CACNA1A: variants seen among roughly 807,000 people sequenced by gnomAD.
The protein encoded by CACNA1A is voltage-dependent P/Q-type calcium channel subunit alpha-1A.
CACNA1A carries 57 observed loss-of-function variants against 262.4 expected under a neutral mutation model. That is an observed-to-expected ratio of 0.22 (90% CI 0.18 to 0.27). The LOEUF is 0.27. CACNA1A is among the 10% of genes least tolerant of loss of function. The pLI, the probability that CACNA1A is intolerant of heterozygous loss-of-function variation, is 1.00. For missense variants in CACNA1A, 2,526 were observed against 3,562.8 expected, an observed-to-expected ratio of 0.71 and a Z score of 7.41; for synonymous variants, 1,431 against 1,419.3, an observed-to-expected ratio of 1.01 and a Z score of -0.18.
Position 13,298,768 on chromosome 19 carries a change from A to T in CACNA1A, c.2865T>A (p.His955Gln). The change falls in exon 19 of 47, where the codon CAT becomes CAA. Residue 955 changes from histidine to glutamine, a missense_variant. His to Gln is a conservative substitution (Grantham distance 24). Coordinates refer to ENST00000360228, the MANE Select transcript of CACNA1A (RefSeq NM_001127222.2). The stretch of plus-strand genomic sequence containing the variant: ...GCCTGCGGTGCGCGCGATGACGTCG[A>T]TGCTCCCCGTCCGCGCCCGTGCGCG... Reference protein sequence around the residue: ...GSPRTGADGEHRRHRAHRRPG... With the variant: ...GSPRTGADGEQRRHRAHRRPG... 1 of 1,521,842 alleles carries T rather than the reference A, an allele frequency of 6.6e-7. No individual in the cohort carries two copies. Among genetic ancestry groups the T allele is most frequent in the Non-Finnish European group, 8.7e-7 (1 of 1,143,568 alleles). The allele number at this position is 1,521,842 out of a possible 1,614,324, so 94.3% of individuals were successfully genotyped here. A position where few individuals can be genotyped will look rare whatever the true frequency, so the allele number is the denominator to read the frequency against.
At position 13,207,724 on chromosome 19, in the gene CACNA1A, C is replaced by G; in HGVS notation, c.7110G>C (p.Arg2370=). 7.3e-7 allele frequency: 1 copy of G among 1,370,322 alleles called. No individual in the cohort carries two copies. The highest frequency in any genetic ancestry group is 9.4e-7 in the Non-Finnish European group (1 of 1,067,798). 84.9% of individuals were successfully genotyped at this position (1,370,322 alleles called of 1,614,324 possible). The change falls in exon 47 of 47, where the codon CGG becomes CGC. Residue 2370 remains arginine (R), a synonymous_variant. Coordinates refer to ENST00000360228, the MANE Select transcript of CACNA1A (RefSeq NM_001127222.2). This position sits in a 1 kb window ranked among gnomAD's most constrained non-coding sequence, Gnocchi z 5.7. ...SSGRSPRMER[R]VPGPARSESP... The stretch of plus-strand genomic sequence containing the variant: ...ACTCGCTCCGGGCCGGGCCTGGGAC[C>G]CGCCTCTCCATCCTGGGCGAGCGGC...
intron 1 of CACNA1A, among the ~76,000 whole-genome samples, chr19:13,475,792 G>A (rs1471243757): frequency 1.5e-4 from 23 of 152,034 alleles, no homozygotes; most frequent in Admixed American, 1.5e-3. Flanking sequence ...AAGGAACAAG[G>A]GAAAATAATA....
At chr19:13,275,985 AC>A in intron 23 of CACNA1A, 29 bp from the exon 24 acceptor site, 1 of 1,475,012 alleles carries the variant, frequency 6.8e-7, no homozygotes, top group East Asian at 2.3e-5. Context: ...GGTGCTCAGA[AC>A]CCCCACCTGA....
chr19:13,318,846 A>T (rs1398093373), intron 10 of CACNA1A, among the ~76,000 whole-genome samples: 1 of 150,274 alleles, frequency 6.7e-6, no homozygotes, highest in Non-Finnish European at 1.5e-5. Flanking sequence ...GGGGAAGGTC[A>T]GAGCTCAGTT....
rs951529824 is a variant in CACNA1A, at chr19:13,241,390, G to A, written c.4950+3792C>T. Reference sequence around the variant, plus strand: ...GGCGGGAGGACAGACAGACAGAGGAGAGCGGAGGGTTGAGGAGAGCGTCAG... The same window carrying A: ...GGCGGGAGGACAGACAGACAGAGGAAAGCGGAGGGTTGAGGAGAGCGTCAG... On this transcript the variant is annotated intron_variant, in intron 31 of 46. Transcript: ENST00000360228. This position sits in a 1 kb window ranked among gnomAD's most constrained non-coding sequence, Gnocchi z 4.0. 4 of 706,960 alleles carry A rather than the reference G, an allele frequency of 5.7e-6. No individual in the cohort carries two copies. The African/African-American group carries it at 7.0e-5, about 12-fold the overall frequency. The allele number at this position is 706,960 out of a possible 1,614,324, so 43.8% of individuals were successfully genotyped here.
chr19:13,428,364 A>C (rs1448439444), intron 3 of CACNA1A, among the ~76,000 whole-genome samples: 1 of 152,196 alleles, frequency 6.6e-6, no homozygotes, highest in Non-Finnish European at 1.5e-5. Flanking sequence ...AGTTGAACTG[A>C]AGTTTTACAA....
rs1336206767 is a variant in CACNA1A, at chr19:13,286,744, G to C, written c.3312C>G (p.Gly1104=). The part of the protein sequence containing the change: ...PAKMGNSTDP[G]PMLAIPAMAT... ...CCATGGCAGGGATGGCCAGCATGGGGCCGGGGTCGGTGCTGTTTCCCATCT... is the reference window on the plus strand; with the variant it reads ...CCATGGCAGGGATGGCCAGCATGGGCCCGGGGTCGGTGCTGTTTCCCATCT... The change falls in exon 20 of 47, where the codon GGC becomes GGG. Residue 1104 remains glycine, a synonymous_variant. Transcript: ENST00000360228. 5.6e-6 allele frequency: 9 copies of C among 1,606,994 alleles called. No individual in the cohort carries two copies. The highest frequency in any genetic ancestry group is 7.6e-6 in the Non-Finnish European group (9 of 1,176,842).
intron 3 of CACNA1A, among the ~76,000 whole-genome samples, chr19:13,448,194 A>T (rs2060851982): frequency 6.6e-6 from 1 of 152,170 alleles, no homozygotes; most frequent in Admixed American, 6.5e-5. Context: ...GAACAAGATC[A>T]TGTCCTTTGC....
intron 31 of CACNA1A, among the ~76,000 whole-genome samples, chr19:13,237,181 CCA>C (rs751488532): frequency 1.3e-5 from 2 of 152,054 alleles, no homozygotes; most frequent in Non-Finnish European, 2.9e-5. Flanking sequence ...TGCCTGGCCC[CCA>C]GAGGCATTTG....
chr19:13,494,540 T>C (rs553261232), intron 1 of CACNA1A, among the ~76,000 whole-genome samples: 5 of 152,116 alleles, frequency 3.3e-5, no homozygotes, highest in Non-Finnish European at 7.4e-5. Flanking sequence ...ATGAAAGAGA[T>C]GAGATCAAAG....
At chr19:13,413,853 TC>T (rs2060163853) in intron 3 of CACNA1A, among the ~76,000 whole-genome samples, 1 of 128,712 alleles carries the variant, frequency 7.8e-6, no homozygotes, top group Admixed American at 8.1e-5. Flanking sequence ...TGCACTTCAG[TC>T]TGGGTGACAG....
In CACNA1A at chr19:13,308,349, G is replaced by T. The variant is rs2057950996; in HGVS notation, c.1781+67C>A. Reference sequence around the variant, plus strand: ...CGAGGCTCACTTTCCCAACTTTCTGGAGGCGGCCCCACCATGTCCCCCATC... The same window carrying T: ...CGAGGCTCACTTTCCCAACTTTCTGTAGGCGGCCCCACCATGTCCCCCATC... On this transcript the variant is annotated intron_variant, in intron 13 of 46. Transcript: ENST00000360228. This position sits in a 1 kb window ranked among gnomAD's most constrained non-coding sequence, Gnocchi z 4.2. 1 of 1,546,724 alleles carries T rather than the reference G, an allele frequency of 6.5e-7. No individual in the cohort carries two copies. The highest frequency in any genetic ancestry group is 1.2e-5 in the South Asian group (1 of 83,894).
At chr19:13,497,511 AAAAAAAAAAAATATATATATATAT>A (rs1981735539) in intron 1 of CACNA1A, among the ~76,000 whole-genome samples, 11 of 45,268 alleles carry the variant, frequency 2.4e-4, no homozygotes, top group Non-Finnish European at 3.8e-4. Context: ...AAAAAAAAAA[AAAAAAAAAAAATATATATATATAT>A]ATATATATAT....
At chr19:13,231,675 A>T in intron 35 of CACNA1A, 35 bp downstream of exon 35, 1 of 1,593,670 alleles carries the variant, frequency 6.3e-7, no homozygotes, top group Non-Finnish European at 8.5e-7. Flanking sequence ...AGGCTTAGGG[A>T]GCCCAGACGG....
At chr19:13,432,103 CAAAA>C (rs71170513) in intron 3 of CACNA1A, among the ~76,000 whole-genome samples, 4 of 64,392 alleles carry the variant, frequency 6.2e-5, no homozygotes, top group African/African-American at 1.9e-4. Flanking sequence ...GACTCCGTCT[CAAAA>C]AAAAAAAAAA....
intron 30 of CACNA1A, among the ~76,000 whole-genome samples, chr19:13,249,670 G>A (rs2056344828): frequency 6.6e-6 from 1 of 151,960 alleles, no homozygotes; most frequent in South Asian, 2.1e-4. Context: ...CATTTATTGA[G>A]TGCCCATGCC....
chr19:13,449,130 C>T (rs2144917677), intron 3 of CACNA1A, among the ~76,000 whole-genome samples: 1 of 151,862 alleles, frequency 6.6e-6, no homozygotes, highest in East Asian at 1.9e-4. Context: ...TCATGCCTGG[C>T]TAATTTTTTG....
rs563303117 is a variant in CACNA1A at position 13,251,327 on chromosome 19, C to A, written c.4866+1664G>T. On this transcript the variant is annotated intron_variant, in intron 30 of 46. Coordinates refer to ENST00000360228, the MANE Select transcript of CACNA1A (RefSeq NM_001127222.2). ...TGAAACCCCATCTCTACTAAAAATA[C>A]AAACAATTAGCCAGGTGTGGTGGCA... is the stretch of plus-strand genomic sequence containing the variant. 2.0e-5 allele frequency among the ~76,000 whole-genome samples: 3 copies of A among 151,666 alleles called. No individual in the cohort carries two copies. The East Asian group carries it at 5.9e-4, about 30-fold the overall frequency.
In CACNA1A at chr19:13,339,386, G is replaced by A. The variant is rs575061622; in HGVS notation, c.979-3477C>T. Among the ~76,000 whole-genome samples the A allele has an allele frequency of 7.2e-5, 11 of 152,256 alleles. No homozygotes were observed. The South Asian group carries it at 1.5e-3, about 20-fold the overall frequency. ...CAAGGGCTGGGGGAGGGGGAACAGG[G>A]AGTTCGCGTTTAGTGGGGACAGAGT... On this transcript the variant is annotated intron_variant, in intron 6 of 46. Coordinates refer to ENST00000360228, the MANE Select transcript of CACNA1A (RefSeq NM_001127222.2).
Sources: allele counts gnomAD v4.1 joint callset (sites outside exome capture counted in the v4.1 genomes callset), GRCh38; gene constraint gnomAD v4.1.1; non-coding constraint Gnocchi (gnomAD v3.1); transcripts MANE v1.5; gene names NCBI Gene and HGNC (gene_info 2026-07-23, HGNC 2026-07-21).